The following NEDD4L variants were observed in gnomAD, a reference collection of about 807,000 sequenced individuals.
NEDD4L encodes the protein E3 ubiquitin-protein ligase NEDD4-like.
A neutral mutation model predicts 148.9 loss-of-function variants in NEDD4L; 54 were observed. The ratio of observed to expected loss-of-function variants is 0.36; its 90% CI spans 0.29 to 0.45. NEDD4L has a LOEUF of 0.45. Ranked by LOEUF, NEDD4L falls within the 20% of genes least tolerant of loss-of-function variation. The pLI is 1.00. For missense variants in NEDD4L, 856 were observed against 1,233.8 expected, an observed-to-expected ratio of 0.69 and a Z score of 4.59; for synonymous variants, 433 against 440.7, an observed-to-expected ratio of 0.98 and a Z score of 0.22.
At chr18:58,351,143 T>G in intron 18 of NEDD4L, 98 bp downstream of exon 18, 1 of 1,535,840 alleles carries the variant, frequency 6.5e-7, no homozygotes, top group East Asian at 2.5e-5. Flanking sequence ...ACTCTTTATC[T>G]AGGCAGCCAG....
chr18:58,344,883 C>A lies in NEDD4L; in HGVS notation c.1575+1780C>A, dbSNP rs573118000. Among the ~76,000 whole-genome samples, 20 of 152,322 alleles carry A rather than the reference C, an allele frequency of 1.3e-4. No individual in the cohort carries two copies. The East Asian group carries it at 3.1e-3, about 23-fold the overall frequency. On this transcript the variant is annotated intron_variant, in intron 16 of 30. Transcript: ENST00000400345. ...GTAGATGGATTAGTGTAAGGAGCCA[C>A]TGTGGCTTGCCAACATAAGCTATGA...
intron 18 of NEDD4L, among the ~76,000 whole-genome samples, chr18:58,351,813 C>T (rs893973164): frequency 6.6e-6 from 1 of 152,212 alleles, no homozygotes; most frequent in Non-Finnish European, 1.5e-5. Flanking sequence ...TTGGTCTTTG[C>T]TTTCATTTGG....
chr18:58,101,778 A>G (rs773050516), intron 1 of NEDD4L, among the ~76,000 whole-genome samples: 8 of 152,222 alleles, frequency 5.3e-5, no homozygotes, highest in Non-Finnish European at 1.2e-4. Flanking sequence ...CAGTTACTTC[A>G]TAGCAAATGT....
intron 1 of NEDD4L, among the ~76,000 whole-genome samples, chr18:58,095,800 C>T (rs964580863): frequency 6.6e-6 from 1 of 152,208 alleles, no homozygotes; most frequent in Non-Finnish European, 1.5e-5. Flanking sequence ...AAAGCTTTGA[C>T]TTCCGTGATC....
chr18:58,378,560 G>T (rs539239959), intron 24 of NEDD4L, among the ~76,000 whole-genome samples: 2 of 152,322 alleles, frequency 1.3e-5, no homozygotes, highest in Non-Finnish European at 2.9e-5. Flanking sequence ...AAGTGGGAAG[G>T]CTGGCATGGA....
Position 58,389,207 on chromosome 18 carries a change from C to T in NEDD4L, c.2655+15C>T, listed in dbSNP as rs1466221079. 6.3e-7 allele frequency: 1 copy of T among 1,585,460 alleles called. No individual in the cohort carries two copies. The highest frequency in any genetic ancestry group is 8.7e-7 in the Non-Finnish European group (1 of 1,155,318). The stretch of plus-strand genomic sequence containing the variant: ...GGTTCTGGAAGGTAACTCCGGGGCC[C>T]AGCCCCAGCCGGTGTCCTCCACCTG... On this transcript the variant is annotated intron_variant, in intron 28 of 30. Coordinates refer to ENST00000400345, the MANE Select transcript of NEDD4L (RefSeq NM_001144967.3).
chr18:58,381,886 G>A (rs905422688), intron 24 of NEDD4L, among the ~76,000 whole-genome samples: 6 of 152,242 alleles, frequency 3.9e-5, no homozygotes, highest in Middle Eastern at 3.4e-3. Flanking sequence ...CGGCCTGTAC[G>A]GGGCAGGAGC....
intron 1 of NEDD4L, among the ~76,000 whole-genome samples, chr18:58,112,795 T>G (rs988883845): frequency 6.6e-6 from 1 of 152,192 alleles, no homozygotes; most frequent in African/African-American, 2.4e-5. Context: ...TGGCCCATTA[T>G]ATATACATTT....
intron 2 of NEDD4L, among the ~76,000 whole-genome samples, chr18:58,213,689 A>G (rs191608952): frequency 3.0e-4 from 46 of 152,250 alleles, no homozygotes; most frequent in Non-Finnish European, 5.1e-4. Context: ...GGAAGCTGCA[A>G]TGCTGTGGTT....
intron 5 of NEDD4L, among the ~76,000 whole-genome samples, chr18:58,296,023 G>A (rs1489352786): frequency 1.3e-5 from 2 of 152,158 alleles, no homozygotes; most frequent in Admixed American, 6.5e-5. Flanking sequence ...AAAAGGCTTT[G>A]GGCAAGACAG....
intron 24 of NEDD4L, among the ~76,000 whole-genome samples, chr18:58,373,585 A>G (rs2047173572): frequency 6.6e-6 from 1 of 152,252 alleles, no homozygotes; most frequent in African/African-American, 2.4e-5. Context: ...TTGAAAAAAT[A>G]GTGAGATTGT....
intron 2 of NEDD4L, among the ~76,000 whole-genome samples, chr18:58,179,563 T>G (rs1334064577): frequency 6.6e-6 from 1 of 152,098 alleles, no homozygotes; most frequent in Admixed American, 6.5e-5. Context: ...CTTCCTCTAT[T>G]TACAGCTGCT....
At chr18:58,061,582 A>G (rs192344161) in intron 1 of NEDD4L, among the ~76,000 whole-genome samples, 56 of 152,090 alleles carry the variant, frequency 3.7e-4, no homozygotes, top group Middle Eastern at 3.4e-3. Context: ...ATTTTTTTCA[A>G]TCCTGAAGGA....
chr18:58,240,632 A>AC (rs752350216), intron 2 of NEDD4L, among the ~76,000 whole-genome samples: 1 of 152,064 alleles, frequency 6.6e-6, no homozygotes, highest in Non-Finnish European at 1.5e-5. Context: ...CCACCTTTGG[A>AC]TGAGTAGTCA....
intron 23 of NEDD4L, chr18:58,372,204 C>G (rs1297483161): frequency 6.6e-6 from 1 of 152,178 alleles, no homozygotes; most frequent in Non-Finnish European, 1.5e-5. Flanking sequence ...GCCTCTATCC[C>G]CTGGCACAAG....
chr18:58,129,524 C>T (rs138728779), intron 1 of NEDD4L, among the ~76,000 whole-genome samples: 1 of 152,318 alleles, frequency 6.6e-6, no homozygotes. Flanking sequence ...CTTTCTGGCC[C>T]ATCTTGAGTT....
intron 1 of NEDD4L, among the ~76,000 whole-genome samples, chr18:58,079,997 G>A (rs111818493): frequency 0.045 from 6,850 of 152,194 alleles, 512 homozygotes; most frequent in African/African-American, 0.16. Flanking sequence ...GCACGATCAT[G>A]GCTCACTGTA....
intron 1 of NEDD4L, among the ~76,000 whole-genome samples, chr18:58,163,432 C>T (rs1357626248): frequency 6.6e-6 from 1 of 152,208 alleles, no homozygotes; most frequent in African/African-American, 2.4e-5. Flanking sequence ...AGAGCAGTCC[C>T]TGCAGCGCTT....
chr18:58,342,816 A>C, intron 15 of NEDD4L, 90 bp from the exon 16 acceptor site: 1 of 1,037,858 alleles, frequency 9.6e-7, no homozygotes, highest in Non-Finnish European at 1.3e-6. Context: ...GTCCATCTCC[A>C]AAGAGAAGCC....
Sources: gnomAD v4.1 joint callset for allele counts (sites outside exome capture counted in the v4.1 genomes callset) on GRCh38, gnomAD v4.1.1 for gene constraint, MANE v1.5 for transcripts, NCBI Gene and HGNC (gene_info 2026-07-23, HGNC 2026-07-21) for gene names.